The following PDE1A variants were observed in gnomAD, a reference collection of about 807,000 sequenced individuals.
The protein encoded by PDE1A is phosphodiesterase 1A, also known as dual specificity calcium/calmodulin-dependent 3',5'-cyclic nucleotide phosphodiesterase 1A.
In PDE1A, 35 loss-of-function variants were observed where a neutral mutation model predicts 61.7. That is an observed-to-expected ratio of 0.57 (90% CI 0.43 to 0.75). The LOEUF (loss-of-function observed/expected upper bound fraction) is 0.75. Among genes scored for constraint, PDE1A ranks in the 30% least tolerant of loss-of-function variants. The pLI is 0.00. For missense variants in PDE1A, 597 were observed against 630.6 expected, an observed-to-expected ratio of 0.95 and a Z score of 0.57; for synonymous variants, 232 against 213.2, an observed-to-expected ratio of 1.09 and a Z score of -0.77.
chr2:182,517,271 A>G (rs977201026), intron 2 of PDE1A, among the ~76,000 whole-genome samples: 1 of 152,214 alleles, frequency 6.6e-6, no homozygotes, highest in Non-Finnish European at 1.5e-5. Context: ...GAATACAAAT[A>G]TGTTATATCT....
At chr2:182,535,675 A>G in the PDE1A span, among the ~76,000 whole-genome samples, 1 of 152,106 alleles carries the variant, frequency 6.6e-6, no homozygotes, top group Non-Finnish European at 1.5e-5. Flanking sequence ...GGGGTATATA[A>G]TTAATTTCTC....
At chr2:182,241,773 G>C in intron 2 of PDE1A, 2 of 1,359,602 alleles carry the variant, frequency 1.5e-6, no homozygotes, top group Non-Finnish European at 2.0e-6. Flanking sequence ...AATATTTAGA[G>C]TTGAATGTTA....
intron 2 of PDE1A, among the ~76,000 whole-genome samples, chr2:182,444,144 T>C (rs780355790): frequency 2.6e-5 from 4 of 152,180 alleles, no homozygotes; most frequent in East Asian, 1.9e-4. Flanking sequence ...TTTGGCAATA[T>C]TGGACGACTT....
the PDE1A span, among the ~76,000 whole-genome samples, chr2:182,614,353 G>C: frequency 6.6e-6 from 1 of 152,060 alleles, no homozygotes; most frequent in Non-Finnish European, 1.5e-5. Context: ...AGCTCATAGA[G>C]CTATTGTAAG....
intron 13 of PDE1A, among the ~76,000 whole-genome samples, chr2:182,176,046 C>G (rs2125346377): frequency 6.7e-6 from 1 of 149,230 alleles, no homozygotes; most frequent in Non-Finnish European, 1.5e-5. Context: ...TGATCTATAT[C>G]TCTGTTTTGG....
At chr2:182,500,040 G>A (rs917094894) in intron 2 of PDE1A, among the ~76,000 whole-genome samples, 2 of 152,214 alleles carry the variant, frequency 1.3e-5, no homozygotes, top group African/African-American at 4.8e-5. Context: ...AAGGAAAAGA[G>A]TGGGACAGAA....
chr2:182,558,632 G>T, the PDE1A span, among the ~76,000 whole-genome samples: 1 of 152,118 alleles, frequency 6.6e-6, no homozygotes, highest in Non-Finnish European at 1.5e-5. Context: ...TCTGACAATG[G>T]AAACTGTAAA....
chr2:182,607,587 T>C, the PDE1A span, among the ~76,000 whole-genome samples: 5 of 152,206 alleles, frequency 3.3e-5, no homozygotes, highest in Non-Finnish European at 7.3e-5. Flanking sequence ...ATGAATACTG[T>C]ATTTTCCATC....
chr2:182,551,522 C>T, the PDE1A span, among the ~76,000 whole-genome samples: 14 of 152,132 alleles, frequency 9.2e-5, no homozygotes, highest in African/African-American at 3.4e-4. Context: ...AATGCCTACT[C>T]CCAACTTCAG....
the PDE1A span, among the ~76,000 whole-genome samples, chr2:182,687,070 G>A: frequency 1.3e-5 from 2 of 152,246 alleles, no homozygotes; most frequent in Non-Finnish European, 2.9e-5. Flanking sequence ...CGCAGCTCAA[G>A]GAGGCCTGCC....
At chr2:182,693,395 T>C in the PDE1A span, among the ~76,000 whole-genome samples, 3 of 152,136 alleles carry the variant, frequency 2.0e-5, no homozygotes, top group African/African-American at 7.2e-5. Flanking sequence ...ACCACAATAC[T>C]GTATTATTTG....
At chr2:182,311,638 T>C (rs958220016) in intron 1 of PDE1A, among the ~76,000 whole-genome samples, 3 of 152,224 alleles carry the variant, frequency 2.0e-5, no homozygotes, top group Non-Finnish European at 4.4e-5. Context: ...GCTCATGTTA[T>C]GGCCTCTATC....
At chr2:182,578,854 C>T in the PDE1A span, among the ~76,000 whole-genome samples, 1 of 152,096 alleles carries the variant, frequency 6.6e-6, no homozygotes, top group Non-Finnish European at 1.5e-5. Context: ...TTATCAGCCT[C>T]TTCTTAGATC....
At chr2:182,685,061 A>T in the PDE1A span, among the ~76,000 whole-genome samples, 1 of 148,872 alleles carries the variant, frequency 6.7e-6, no homozygotes, top group African/African-American at 2.4e-5. Context: ...GTTATTCTGA[A>T]TATATATATA....
At chr2:182,564,427 G>C in the PDE1A span, among the ~76,000 whole-genome samples, 1 of 152,210 alleles carries the variant, frequency 6.6e-6, no homozygotes, top group East Asian at 1.9e-4. Context: ...GAGATCTGCT[G>C]TTAGTCTGAT....
chr2:182,649,213 A>G, the PDE1A span, among the ~76,000 whole-genome samples: 1 of 152,206 alleles, frequency 6.6e-6, no homozygotes, highest in African/African-American at 2.4e-5. Flanking sequence ...ATTAAAAACA[A>G]TCTTGGTACC....
the PDE1A span, among the ~76,000 whole-genome samples, chr2:182,555,727 A>C: frequency 6.6e-6 from 1 of 152,034 alleles, no homozygotes; most frequent in Non-Finnish European, 1.5e-5. Context: ...GCACTTTGGG[A>C]GGCTGAGGCA....
intron 1 of PDE1A, among the ~76,000 whole-genome samples, chr2:182,329,137 G>GC (rs1697235349): frequency 6.6e-6 from 1 of 152,038 alleles, no homozygotes; most frequent in Admixed American, 6.6e-5. Flanking sequence ...CATTCCTATG[G>GC]CTGTCTTTAC....
chr2:182,589,269 G>GAGGGAGGGAGGAAGGAAGGA, the PDE1A span, among the ~76,000 whole-genome samples: 163 of 121,926 alleles, frequency 1.3e-3, no homozygotes, highest in Middle Eastern at 4.1e-3. Flanking sequence ...GGGAGGGAGG[G>GAGGGAGGGAGGAAGGAAGGA]AGGAAGGAAG....
Sources: allele counts gnomAD v4.1 joint callset (sites outside exome capture counted in the v4.1 genomes callset), GRCh38; gene constraint gnomAD v4.1.1; transcripts MANE v1.5; gene names NCBI Gene and HGNC (gene_info 2026-07-23, HGNC 2026-07-21).